The following TAFA2 variants were observed in gnomAD, a reference collection of about 807,000 sequenced individuals.
TAFA2 encodes chemokine-like protein TAFA-2.
Under a neutral mutation model 18.8 loss-of-function variants are expected in TAFA2, and 7 were observed. The ratio of observed to expected loss-of-function variants is 0.37; its 90% CI spans 0.21 to 0.70. The LOEUF (loss-of-function observed/expected upper bound fraction) is 0.70, where lower values mean the gene tolerates loss of function less well. Ranked by LOEUF, TAFA2 falls within the 30% of genes least tolerant of loss-of-function variation. The probability of loss-of-function intolerance (pLI) is 0.53; values close to 1 mark genes in which losing one functional copy is unlikely to be tolerated. For synonymous variants in TAFA2, 60 were observed against 54.2 expected, an observed-to-expected ratio of 1.11 and a Z score of -0.47; for missense variants, 122 against 158.1, an observed-to-expected ratio of 0.77 and a Z score of 1.23.
chr12:61,795,670 AC>A (rs1871159159), intron 2 of TAFA2, among the ~76,000 whole-genome samples: 4 of 152,104 alleles, frequency 2.6e-5, no homozygotes, highest in Non-Finnish European at 4.4e-5. Context: ...GCACATGTAT[AC>A]ATATGTAACA....
intron 1 of TAFA2, among the ~76,000 whole-genome samples, chr12:62,166,165 C>G (rs2136935573): frequency 6.6e-6 from 1 of 151,978 alleles, no homozygotes; most frequent in Admixed American, 6.6e-5. Context: ...TTATGTATTT[C>G]TTATTCTTTA....
At chr12:61,742,533 T>G (rs1027224023) in intron 4 of TAFA2, among the ~76,000 whole-genome samples, 22 of 152,100 alleles carry the variant, frequency 1.4e-4, no homozygotes, top group Non-Finnish European at 1.5e-5. Flanking sequence ...ACACTTTTTG[T>G]TCCTTACAGG....
At chr12:62,144,495 G>A (rs904848267) in intron 1 of TAFA2, among the ~76,000 whole-genome samples, 4 of 151,968 alleles carry the variant, frequency 2.6e-5, no homozygotes, top group Admixed American at 1.3e-4. Context: ...GTATATTTGT[G>A]GAAAAAAATT....
chr12:61,716,826 G>A (rs534291438), intron 4 of TAFA2, among the ~76,000 whole-genome samples: 4 of 152,112 alleles, frequency 2.6e-5, no homozygotes, highest in Non-Finnish European at 4.4e-5. Flanking sequence ...AAGAAAATGT[G>A]GTAATACTTC....
At chr12:61,889,163 T>G (rs1015527090) in intron 1 of TAFA2, among the ~76,000 whole-genome samples, 5 of 152,306 alleles carry the variant, frequency 3.3e-5, no homozygotes, top group Admixed American at 3.3e-4. Flanking sequence ...CATGATGCAC[T>G]TAGGAAGGTC....
At chr12:61,923,765 A>C (rs1425470524) in intron 1 of TAFA2, among the ~76,000 whole-genome samples, 1 of 152,082 alleles carries the variant, frequency 6.6e-6, no homozygotes, top group African/African-American at 2.4e-5. Flanking sequence ...AGTAGGCTTC[A>C]GAAGGTGGGT....
chr12:61,962,707 C>T (rs921136959), intron 1 of TAFA2, among the ~76,000 whole-genome samples: 2 of 151,874 alleles, frequency 1.3e-5, no homozygotes, highest in African/African-American at 4.8e-5. Flanking sequence ...ACATGCATTA[C>T]TTATGTAATT....
intron 1 of TAFA2, among the ~76,000 whole-genome samples, chr12:61,917,775 C>G (rs1876885728): frequency 6.6e-6 from 1 of 152,172 alleles, no homozygotes; most frequent in Admixed American, 6.5e-5. Flanking sequence ...CCTACATCAG[C>G]CACAGATCTT....
intron 1 of TAFA2, among the ~76,000 whole-genome samples, chr12:62,179,694 T>A (rs1052852353): frequency 6.6e-6 from 1 of 152,180 alleles, no homozygotes; most frequent in Non-Finnish European, 1.5e-5. Context: ...ATGGATTTAT[T>A]CTTTTCTAAC....
intron 1 of TAFA2, among the ~76,000 whole-genome samples, chr12:61,925,587 A>G (rs1280801772): frequency 6.6e-6 from 1 of 152,190 alleles, no homozygotes; most frequent in African/African-American, 2.4e-5. Context: ...GAATCTCTTA[A>G]ATCTGTACCA....
At chr12:61,961,265 C>A (rs1878875534) in intron 1 of TAFA2, among the ~76,000 whole-genome samples, 1 of 151,910 alleles carries the variant, frequency 6.6e-6, no homozygotes, top group African/African-American at 2.4e-5. Flanking sequence ...CCCTACCCAA[C>A]CGCTACTCCA....
At chr12:62,199,342 G>A (rs913351800) in intron 1 of TAFA2, among the ~76,000 whole-genome samples, 4 of 152,022 alleles carry the variant, frequency 2.6e-5, no homozygotes, top group African/African-American at 4.8e-5. Context: ...TATTTATTCT[G>A]ATACTCTCCC....
intron 2 of TAFA2, among the ~76,000 whole-genome samples, chr12:61,855,393 G>A (rs143247376): frequency 6.6e-6 from 1 of 152,260 alleles, no homozygotes; most frequent in Non-Finnish European, 1.5e-5. Context: ...TGTCCTGACT[G>A]TAGCCACCCT....
chr12:62,172,080 ATC>A (rs1032073937), intron 1 of TAFA2, among the ~76,000 whole-genome samples: 17 of 152,198 alleles, frequency 1.1e-4, no homozygotes, highest in Admixed American at 6.5e-4. Flanking sequence ...TTATCACAAA[ATC>A]TCTGTGTCAA....
At chr12:61,780,567 A>G (rs530949928) in intron 2 of TAFA2, among the ~76,000 whole-genome samples, 52 of 151,516 alleles carry the variant, frequency 3.4e-4, no homozygotes, top group Admixed American at 8.6e-4. Context: ...ATCTTTCTCA[A>G]GGGCCCTGGA....
chr12:62,102,610 T>C (rs1030332361), intron 1 of TAFA2, among the ~76,000 whole-genome samples: 6 of 152,154 alleles, frequency 3.9e-5, no homozygotes, highest in Non-Finnish European at 5.9e-5. Context: ...GCTGAACTAC[T>C]TCCTAAACAG....
intron 1 of TAFA2, among the ~76,000 whole-genome samples, chr12:62,227,587 G>A (rs915136730): frequency 9.2e-5 from 14 of 152,116 alleles, no homozygotes; most frequent in African/African-American, 2.9e-4. Flanking sequence ...TTTTCTCTTT[G>A]TGGATTATTT....
chr12:61,907,500 T>C (rs949672327), intron 1 of TAFA2, among the ~76,000 whole-genome samples: 3 of 152,196 alleles, frequency 2.0e-5, no homozygotes, highest in East Asian at 1.9e-4. Flanking sequence ...AGAAGATGTA[T>C]GGAAATGCCT....
rs1413477379 is a variant in TAFA2 at position 61,708,371 on chromosome 12, T to A, written c.*2035A>T. 1 of 152,108 alleles carries A rather than the reference T, an allele frequency of 6.6e-6. No homozygotes were observed. The highest frequency in any genetic ancestry group is 1.5e-5 in the Non-Finnish European group (1 of 67,984). 9.4% of individuals were successfully genotyped at this position (152,108 alleles called of 1,614,324 possible). On this transcript the variant is annotated 3_prime_UTR_variant, in exon 5 of 5. Coordinates refer to ENST00000416284, the MANE Select transcript of TAFA2 (RefSeq NM_178539.5). ...AGTATATTTGAAATTCCATGTTTTT[T>A]TTCTATTATATGCATGTATTACACT...
Sources: gnomAD v4.1 joint callset for allele counts (sites outside exome capture counted in the v4.1 genomes callset) on GRCh38, gnomAD v4.1.1 for gene constraint, MANE v1.5 for transcripts, NCBI Gene and HGNC (gene_info 2026-07-23, HGNC 2026-07-21) for gene names.